Variants in CXADR observed in about 807,000 individuals in gnomAD.
CXADR encodes the protein CXADR cell adhesion molecule, also known as coxsackievirus and adenovirus receptor.
A neutral mutation model predicts 40.3 loss-of-function variants in CXADR; 20 were observed. The ratio of observed to expected loss-of-function variants is 0.50; its 90% confidence interval spans 0.35 to 0.72. The LOEUF is 0.72. Ranked by LOEUF, CXADR falls within the 30% of genes least tolerant of loss-of-function variation. The probability of loss-of-function intolerance (pLI) is 0.01; values close to 1 mark genes in which losing one functional copy is unlikely to be tolerated. For synonymous variants in CXADR, 150 were observed against 161.3 expected (o/e 0.93, Z 0.53); for missense variants, 332 against 449.1 (o/e 0.74, Z 2.36).
chr21:17,538,699 C>T (rs578243888), intron 1 of CXADR, among the ~76,000 whole-genome samples: 1 of 152,108 alleles, frequency 6.6e-6, no homozygotes, highest in Admixed American at 6.5e-5. Flanking sequence ...ACCTGTAGTC[C>T]CAGCTCCTTG....
chr21:17,534,014 A>ATG (rs2060712246), intron 1 of CXADR, among the ~76,000 whole-genome samples: 1 of 129,262 alleles, frequency 7.7e-6, no homozygotes, highest in Non-Finnish European at 1.6e-5. Flanking sequence ...AGCAATATAT[A>ATG]TATATATATA....
At chr21:17,551,014 G>A (rs2060960010) in intron 2 of CXADR, among the ~76,000 whole-genome samples, 1 of 152,218 alleles carries the variant, frequency 6.6e-6, no homozygotes, top group Non-Finnish European at 1.5e-5. Context: ...ATTATGATAA[G>A]CCTTTGTAGG....
rs2060494015 is a variant in CXADR at position 17,518,874 on chromosome 21, ACT to A, written c.43+5705_43+5706del. On this transcript the variant is annotated intron_variant, in intron 1 of 6. Coordinates refer to ENST00000284878, the MANE Select transcript of CXADR (RefSeq NM_001338.5). ...TATTCACAGCCAGTTTTTTTAGAGA[ACT>A]CTGAAGCTTTTTGTCATCAGCCATG... is the stretch of plus-strand genomic sequence containing the variant. 5 of 1,563,614 alleles carry A rather than the reference ACT, an allele frequency of 3.2e-6. No individual in the cohort carries two copies. The Admixed American group carries it at 6.7e-5, about 21-fold the overall frequency.
At chr21:17,614,151 A>G in the CXADR span, 3 of 152,024 alleles carry the variant, frequency 2.0e-5, no homozygotes, top group African/African-American at 7.2e-5. Context: ...TTACTGGTAC[A>G]TTTAAAGAGG....
intron 1 of CXADR, among the ~76,000 whole-genome samples, chr21:17,542,864 C>T (rs1425977394): frequency 1.3e-5 from 2 of 152,116 alleles, no homozygotes; most frequent in African/African-American, 4.8e-5. Flanking sequence ...TGCCCAGGGC[C>T]GCTGTCTGAG....
the CXADR span, among the ~76,000 whole-genome samples, chr21:17,619,825 A>C: frequency 1.3e-5 from 2 of 151,978 alleles, no homozygotes; most frequent in African/African-American, 4.8e-5. Flanking sequence ...TTCGCCTTGC[A>C]CTTTTATGTT....
In CXADR at chr21:17,559,054, A is replaced by G. The variant is rs1242584364; in HGVS notation, c.494A>G (p.Lys165Arg). The change falls in exon 4 of 7, where the codon AAA (lysine) becomes AGA (arginine). Residue 165 changes from lysine (K) to arginine (R), a missense_variant. Lys to Arg is a conservative substitution (Grantham distance 26). Coordinates refer to ENST00000284878, the MANE Select transcript of CXADR (RefSeq NM_001338.5). ...GACTTTAAGATAAAATGTGAACCAAAAGAAGGTTCACTTCCATTACAGTAT... is the reference window on the plus strand; with the variant it reads ...GACTTTAAGATAAAATGTGAACCAAGAGAAGGTTCACTTCCATTACAGTAT... ...GSDFKIKCEP[K>R]EGSLPLQYEW... 1.2e-6 allele frequency: 2 copies of G among 1,613,904 alleles called. No homozygotes were observed. The highest frequency in any genetic ancestry group is 1.1e-5 in the South Asian group (1 of 91,048).
chr21:17,581,185 G>A (rs993047182), intron 7 of CXADR, among the ~76,000 whole-genome samples: 2 of 152,068 alleles, frequency 1.3e-5, no homozygotes, highest in African/African-American at 2.4e-5. Flanking sequence ...ACACTATAAC[G>A]TATATAATCA....
intron 2 of CXADR, 49 bp downstream of exon 2, chr21:17,547,242 C>G: frequency 6.2e-7 from 1 of 1,609,524 alleles, no homozygotes; most frequent in Non-Finnish European, 8.5e-7. Flanking sequence ...GTGCAACTAT[C>G]TGATGTGTCC....
intron 3 of CXADR, among the ~76,000 whole-genome samples, chr21:17,557,999 A>G (rs2123294978): frequency 6.6e-6 from 1 of 152,246 alleles, no homozygotes; most frequent in South Asian, 2.1e-4. Flanking sequence ...TTAATCCAGG[A>G]TTGGGGTGAG....
At chr21:17,575,918 T>C (rs1404655105) in intron 7 of CXADR, among the ~76,000 whole-genome samples, 1 of 151,074 alleles carries the variant, frequency 6.6e-6, no homozygotes, top group Admixed American at 6.6e-5. Context: ...TGAAACCCTG[T>C]CTCTACTAAA....
At chr21:17,616,787 A>G in the CXADR span, among the ~76,000 whole-genome samples, 1,077 of 152,278 alleles carry the variant, frequency 7.1e-3, 73 homozygotes, top group East Asian at 0.15. Context: ...AATTTTAAGA[A>G]CACTTCAACA....
intron 1 of CXADR, among the ~76,000 whole-genome samples, chr21:17,541,152 T>G (rs2060822159): frequency 6.6e-6 from 1 of 152,052 alleles, no homozygotes; most frequent in Admixed American, 6.6e-5. Flanking sequence ...AGTCCATAGT[T>G]TACATCGGGG....
chr21:17,517,207 A>G (rs1370447363), intron 1 of CXADR, among the ~76,000 whole-genome samples: 2 of 152,232 alleles, frequency 1.3e-5, no homozygotes, highest in Non-Finnish European at 1.5e-5. Context: ...ACAAATGCTG[A>G]TATAGCAAAA....
At chr21:17,615,127 C>T in the CXADR span, among the ~76,000 whole-genome samples, 2 of 152,154 alleles carry the variant, frequency 1.3e-5, no homozygotes, top group East Asian at 3.9e-4. Context: ...GTGGAACCTT[C>T]ATGAATGGAA....
intron 7 of CXADR, among the ~76,000 whole-genome samples, chr21:17,592,628 AT>A (rs886549008): frequency 5.3e-5 from 8 of 151,262 alleles, no homozygotes; most frequent in Non-Finnish European, 7.4e-5. Flanking sequence ...TCTGAAAGTA[AT>A]TTTTTTTTCC....
At chr21:17,553,063 C>T (rs189296318) in intron 3 of CXADR, among the ~76,000 whole-genome samples, 79 of 152,282 alleles carry the variant, frequency 5.2e-4, no homozygotes, top group African/African-American at 1.8e-3. Context: ...GCTGGGATTA[C>T]AGGCATGCAC....
At chr21:17,618,490 T>C in the CXADR span, among the ~76,000 whole-genome samples, 15 of 152,190 alleles carry the variant, frequency 9.9e-5, no homozygotes, top group Non-Finnish European at 2.1e-4. Flanking sequence ...ATCAGAGAAA[T>C]CACTACCTAT....
At chr21:17,594,178 G>A, downstream of CXADR, 1 of 1,613,302 alleles carries the variant, frequency 6.2e-7, no homozygotes. Context: ...CACTGGAATT[G>A]GGCGATATGG....
Sources: gnomAD v4.1 joint callset for allele counts (sites outside exome capture counted in the v4.1 genomes callset) on GRCh38, gnomAD v4.1.1 for gene constraint, MANE v1.5 for transcripts, NCBI Gene and HGNC (gene_info 2026-07-23, HGNC 2026-07-21) for gene names.